LRRC7: variants seen among roughly 807,000 people sequenced by gnomAD.
The protein encoded by LRRC7 is leucine-rich repeat-containing protein 7.
Under a neutral mutation model 175.7 loss-of-function variants are expected in LRRC7, and 23 were observed. The ratio of observed to expected loss-of-function variants is 0.13; its 90% CI spans 0.09 to 0.19. LRRC7 has a LOEUF of 0.19. Among genes scored for constraint, LRRC7 ranks in the 10% least tolerant of loss-of-function variants. The probability of loss-of-function intolerance (pLI) is 1.00; values close to 1 mark genes in which losing one functional copy is unlikely to be tolerated. For synonymous variants in LRRC7, 685 were observed against 680.9 expected, an observed-to-expected ratio of 1.01 and a Z score of -0.09; for missense variants, 1,354 against 1,904.7, an observed-to-expected ratio of 0.71 and a Z score of 5.38.
intron 4 of LRRC7, among the ~76,000 whole-genome samples, chr1:69,809,967 A>G (rs1440454892): frequency 6.6e-6 from 1 of 152,168 alleles, no homozygotes. Context: ...AAATAGGAAA[A>G]AAGGAACTCA....
chr1:70,018,435 T>C (rs1657151200), intron 14 of LRRC7, among the ~76,000 whole-genome samples: 1 of 152,068 alleles, frequency 6.6e-6, no homozygotes, highest in Non-Finnish European at 1.5e-5. Context: ...TGAAACAATT[T>C]AACACATTTT....
intron 1 of LRRC7, among the ~76,000 whole-genome samples, chr1:69,642,739 CTT>C (rs1420107558): frequency 6.6e-6 from 1 of 151,750 alleles, no homozygotes; most frequent in East Asian, 1.9e-4. Flanking sequence ...AGACTGAAAA[CTT>C]TATGAAAATT....
At chr1:70,057,548 T>C (rs1375562465) in intron 23 of LRRC7, among the ~76,000 whole-genome samples, 1 of 152,162 alleles carries the variant, frequency 6.6e-6, no homozygotes, top group Non-Finnish European at 1.5e-5. Flanking sequence ...GGTGAAGAAT[T>C]CTTAGCCAGT....
chr1:70,119,836 T>G (rs1256092461), intron 26 of LRRC7, among the ~76,000 whole-genome samples: 23 of 152,098 alleles, frequency 1.5e-4, no homozygotes, highest in Non-Finnish European at 1.5e-4. Flanking sequence ...AGTCTGCAGA[T>G]AGAGAAATCT....
chr1:69,623,954 G>A (rs1651074354), intron 1 of LRRC7, among the ~76,000 whole-genome samples: 1 of 152,080 alleles, frequency 6.6e-6, no homozygotes, highest in Non-Finnish European at 1.5e-5. Flanking sequence ...GATGAACACT[G>A]TATGTTTCTC....
intron 7 of LRRC7, among the ~76,000 whole-genome samples, chr1:69,901,388 T>C (rs1325991016): frequency 6.6e-6 from 1 of 152,226 alleles, no homozygotes; most frequent in Non-Finnish European, 1.5e-5. Flanking sequence ...GTAGTAATAC[T>C]CATTAAAATA....
chr1:69,616,814 C>T (rs555387239), intron 1 of LRRC7, among the ~76,000 whole-genome samples: 23 of 152,162 alleles, frequency 1.5e-4, no homozygotes, highest in African/African-American at 4.6e-4. Context: ...GGATAGGCTA[C>T]TGTAAGGACG....
chr1:69,881,968 T>G (rs751160437), intron 7 of LRRC7, among the ~76,000 whole-genome samples: 1 of 144,858 alleles, frequency 6.9e-6, no homozygotes, highest in South Asian at 2.2e-4. Context: ...AATAAGAAGT[T>G]AATATCCAAA....
chr1:70,014,733 A>T (rs1656818887), intron 13 of LRRC7, among the ~76,000 whole-genome samples: 1 of 152,048 alleles, frequency 6.6e-6, no homozygotes. Context: ...TTAAAGTTTG[A>T]CATTATAGTT....
chr1:69,738,960 C>T (rs1023582757), intron 2 of LRRC7, among the ~76,000 whole-genome samples: 3 of 151,988 alleles, frequency 2.0e-5, no homozygotes, highest in African/African-American at 7.3e-5. Context: ...AGAGGAAAAT[C>T]GGACTATCAT....
At chr1:70,064,563 G>A (rs984184078) in intron 23 of LRRC7, among the ~76,000 whole-genome samples, 1 of 151,832 alleles carries the variant, frequency 6.6e-6, no homozygotes, top group Middle Eastern at 3.4e-3. Context: ...ATAGCCCATT[G>A]CACTGTTAAA....
chr1:69,757,396 G>C (rs1471466318), intron 2 of LRRC7, among the ~76,000 whole-genome samples: 1 of 151,926 alleles, frequency 6.6e-6, no homozygotes, highest in Non-Finnish European at 1.5e-5. Context: ...GGATGGGAGT[G>C]AGGAGGATTC....
chr1:70,116,546 C>CAA (rs11336931), intron 26 of LRRC7, among the ~76,000 whole-genome samples: 10,322 of 104,750 alleles, frequency 0.099, 558 homozygotes, highest in South Asian at 0.17. Context: ...GACTCCATGT[C>CAA]AAAAAAAAAA....
intron 7 of LRRC7, among the ~76,000 whole-genome samples, chr1:69,858,836 C>CT (rs1022249353): frequency 5.9e-5 from 9 of 152,068 alleles, no homozygotes; most frequent in Admixed American, 5.9e-4. Context: ...TCTTTTGAGT[C>CT]TTTTTATTTA....
intron 7 of LRRC7, among the ~76,000 whole-genome samples, chr1:69,842,422 T>C (rs143285579): frequency 1.3e-5 from 2 of 152,260 alleles, no homozygotes; most frequent in East Asian, 3.9e-4. Context: ...ATGTGTTAAT[T>C]ACGAAACTAT....
At chr1:69,924,800 A>G (rs904227230) in intron 7 of LRRC7, among the ~76,000 whole-genome samples, 1 of 152,138 alleles carries the variant, frequency 6.6e-6, no homozygotes, top group East Asian at 1.9e-4. Context: ...TTTCTTTCTC[A>G]TGCCTGATTG....
intron 7 of LRRC7, among the ~76,000 whole-genome samples, chr1:69,902,323 A>C (rs1273180105): frequency 6.6e-6 from 1 of 152,204 alleles, no homozygotes; most frequent in African/African-American, 2.4e-5. Flanking sequence ...TAATCCCAGC[A>C]CTTTGGGAGG....
At chr1:69,597,462 A>G (rs1186021730) in intron 1 of LRRC7, among the ~76,000 whole-genome samples, 1 of 152,234 alleles carries the variant, frequency 6.6e-6, no homozygotes, top group Non-Finnish European at 1.5e-5. Flanking sequence ...CTACTATTAC[A>G]TACGGTTTTC....
intron 1 of LRRC7, among the ~76,000 whole-genome samples, chr1:69,590,043 G>A (rs538380852): frequency 6.6e-6 from 1 of 152,186 alleles, no homozygotes; most frequent in African/African-American, 2.4e-5. Context: ...GAAAGCCACT[G>A]CCTCCACAGT....
Sources: gnomAD v4.1 joint callset for allele counts (sites outside exome capture counted in the v4.1 genomes callset) on GRCh38, gnomAD v4.1.1 for gene constraint, MANE v1.5 for transcripts, NCBI Gene and HGNC (gene_info 2026-07-23, HGNC 2026-07-21) for gene names.